KMT2C: variants seen among roughly 807,000 people sequenced by gnomAD.
The protein encoded by KMT2C is lysine methyltransferase 2C, also known as histone-lysine N-methyltransferase 2C.
KMT2C carries 88 observed loss-of-function variants against 507.9 expected under a neutral mutation model. The ratio of observed to expected loss-of-function variants is 0.17; its 90% CI spans 0.15 to 0.21. KMT2C has a LOEUF of 0.21. Ranked by LOEUF, KMT2C falls within the 10% of genes least tolerant of loss-of-function variation. KMT2C has a pLI of 1.00. For missense variants in KMT2C, 4,954 were observed against 5,957.8 expected, an observed-to-expected ratio of 0.83 and a Z score of 5.55; for synonymous variants, 2,049 against 2,080.8, an observed-to-expected ratio of 0.98 and a Z score of 0.42.
intron 4 of KMT2C, 104 bp from the exon 5 acceptor site, chr7:152,312,050 A>C (rs2096676970): frequency 1.2e-6 from 1 of 845,634 alleles, no homozygotes. Flanking sequence ...TTAATTTATC[A>C]GCCATTAACT....
chr7:152,372,300 C>T lies in KMT2C; in HGVS notation c.162-13625G>A, dbSNP rs529678739. ...CCTCCTGAGTAACTGGGATTACAGG[C>T]GCCCACCACCACACCCAGCTAATTT... On this transcript the variant is annotated intron_variant, in intron 1 of 58. Coordinates refer to ENST00000262189, the MANE Select transcript of KMT2C (RefSeq NM_170606.3). Among the ~76,000 whole-genome samples, 66 of 152,086 alleles carry T rather than the reference C, an allele frequency of 4.3e-4. 1 individual carries two copies. The highest frequency in any genetic ancestry group is 1.9e-3 in the Admixed American group (29 of 15,268).
chr7:152,287,047 G>A (rs1014669028), intron 6 of KMT2C, among the ~76,000 whole-genome samples: 9 of 152,114 alleles, frequency 5.9e-5, no homozygotes, highest in East Asian at 5.8e-4. Context: ...TCCTGCCCAC[G>A]GACAACATGA....
chr7:152,262,515 G>A (rs778278789), intron 9 of KMT2C, among the ~76,000 whole-genome samples: 2 of 152,176 alleles, frequency 1.3e-5, no homozygotes, highest in Non-Finnish European at 2.9e-5. Flanking sequence ...TGAGCTCATC[G>A]GCATTTTTTG....
chr7:152,351,351 CAT>C (rs752029322), intron 2 of KMT2C, among the ~76,000 whole-genome samples: 19 of 152,286 alleles, frequency 1.2e-4, no homozygotes, highest in Non-Finnish European at 2.5e-4. Context: ...TCACCACAAA[CAT>C]GTGAGTAATG....
In KMT2C at chr7:152,214,605, C is replaced by T. The variant is rs549239636; in HGVS notation, c.3712+5918G>A. On this transcript the variant is annotated intron_variant, in intron 23 of 58. Coordinates refer to ENST00000262189, the MANE Select transcript of KMT2C (RefSeq NM_170606.3). ...TACTGATGACAATGAGGACTTTATA[C>T]AATGGAATAGTTAGCTTTAAGAAAG... Among the ~76,000 whole-genome samples the T allele has an allele frequency of 1.6e-3, 239 of 152,270 alleles. 5 individuals carry two copies. In the South Asian group the frequency reaches 0.03, roughly 19 times the overall value.
chr7:152,201,470 A>G (rs543073666), intron 26 of KMT2C, among the ~76,000 whole-genome samples: 3 of 152,214 alleles, frequency 2.0e-5, no homozygotes, highest in Non-Finnish European at 4.4e-5. Flanking sequence ...ATACTTGCAG[A>G]AACACCTAAA....
At position 152,176,788 on chromosome 7, in the gene KMT2C, G is replaced by C. The variant is rs368995188; in HGVS notation, c.8665C>G (p.Pro2889Ala). The C allele has an allele frequency of 6.2e-7, 1 of 1,614,134 alleles. No individual in the cohort carries two copies. ...EKRTNRETAG[P>A]SANVIQASTQ... ...GATGCCTGAATGACATTTGCACTGG[G>C]GCCAGCAGTTTCTCGATTGGTTCTT... is the stretch of plus-strand genomic sequence containing the variant. Residue 2889 changes from proline (P) to alanine (A), a missense_variant, in exon 38 of 59, where the codon CCC becomes GCC. By Grantham distance (27) the Pro-to-Ala change is conservative. This residue lies in a region of KMT2C where 1,689 missense variants were observed against 1,654.3 expected (regional missense o/e 1.02). Coordinates refer to ENST00000262189, the MANE Select transcript of KMT2C (RefSeq NM_170606.3).
chr7:152,380,779 TG>T lies in KMT2C; in HGVS notation c.162-22105del, dbSNP rs536676065. Among the ~76,000 whole-genome samples the T allele has an allele frequency of 2.4e-3, 337 of 137,834 alleles. 3 individuals are homozygous for T. The highest frequency in any genetic ancestry group is 0.012 in the Middle Eastern group (3 of 258). 90.4% of individuals were successfully genotyped at this position (137,834 alleles called of 152,430 possible). A position where few individuals can be genotyped will look rare whatever the true frequency, so the allele number is the denominator to read the frequency against. On this transcript the variant is annotated intron_variant, in intron 1 of 58. Transcript: ENST00000262189. ...TAGGTAGGATTTACAGACTGGAAAA[TG>T]GGAAAAAGATGAGAGTGGAAAAAGG...
At chr7:152,137,303 T>C (rs991381748) in intron 58 of KMT2C, 4 of 173,826 alleles carry the variant, frequency 2.3e-5, no homozygotes, top group Admixed American at 5.8e-5. Context: ...GAATGGGGCA[T>C]GCAATTCTGG....
Position 152,181,152 on chromosome 7 carries a change from G to A in KMT2C, c.6708C>T (p.Ser2236=). ...GCATGAGGACTGGTCTTGTCATTGA[G>A]GACCTAGTAAAACCCTCTGAAATCC... ...RPRISEGFTR[S]SMTRPVLMPN... is the part of the protein sequence containing the mutation. The change falls in exon 36 of 59, where the codon TCC becomes TCT. Residue 2236 remains serine (S), a synonymous_variant. Transcript: ENST00000262189. The A allele has an allele frequency of 1.9e-6, 3 of 1,614,138 alleles. No homozygotes were observed. The highest frequency in any genetic ancestry group is 2.5e-6 in the Non-Finnish European group (3 of 1,180,038).
chr7:152,287,679 T>C (rs2096327464), intron 6 of KMT2C, among the ~76,000 whole-genome samples: 1 of 152,178 alleles, frequency 6.6e-6, no homozygotes, highest in Admixed American at 6.5e-5. Context: ...TGAGAATTCA[T>C]AGATGTCATA....
At chr7:152,205,071 T>G in intron 25 of KMT2C, 35 bp downstream of exon 25, 1 of 1,389,724 alleles carries the variant, frequency 7.2e-7, no homozygotes, top group Non-Finnish European at 9.8e-7. Context: ...AGGGTTACAT[T>G]AAAAAAAAAA....
intron 1 of KMT2C, among the ~76,000 whole-genome samples, chr7:152,371,522 T>C (rs2097293387): frequency 6.6e-6 from 1 of 152,078 alleles, no homozygotes; most frequent in Admixed American, 6.5e-5. Context: ...CGATAGCATC[T>C]CCTTGCCTAT....
intron 1 of KMT2C, among the ~76,000 whole-genome samples, chr7:152,362,009 A>T (rs1589450517): frequency 6.6e-6 from 1 of 152,238 alleles, no homozygotes. Context: ...CTGTTCAAAC[A>T]CAGTGGATAC....
At chr7:152,256,061 T>C (rs1381702607) in intron 9 of KMT2C, among the ~76,000 whole-genome samples, 1 of 151,886 alleles carries the variant, frequency 6.6e-6, no homozygotes, top group African/African-American at 2.4e-5. Flanking sequence ...CCCAGCTACT[T>C]GGGGGAGCTA....
In KMT2C at chr7:152,195,938, T is replaced by G. The variant is rs759264264; in HGVS notation, c.4347A>C (p.Ser1449=). 7 of 1,607,392 alleles carry G rather than the reference T, an allele frequency of 4.4e-6. No homozygotes were observed. The highest frequency in any genetic ancestry group is 6.0e-6 in the Non-Finnish European group (7 of 1,175,148). The change falls in exon 28 of 59, where the codon TCA becomes TCC. Residue 1449 remains serine, a synonymous_variant. Transcript: ENST00000262189. ...GATCAACTGATTTTGCTAGATCATC[T>G]GAAATTATTCCAAGAATGTCATCAT... ...NTDDDILGII[S]DDLAKSVDHS... is the part of the protein sequence containing the mutation.
intron 6 of KMT2C, among the ~76,000 whole-genome samples, chr7:152,292,111 C>G (rs77684285): frequency 6.6e-6 from 1 of 151,962 alleles, no homozygotes; most frequent in Non-Finnish European, 1.5e-5. Flanking sequence ...TCTGGTAATG[C>G]TGACATATAT....
At chr7:152,311,689 A>G in intron 5 of KMT2C, 109 bp downstream of exon 5, 2 of 780,732 alleles carry the variant, frequency 2.6e-6, no homozygotes, top group South Asian at 6.0e-5. Flanking sequence ...TAGTATGATT[A>G]TAATTATTTC....
intron 9 of KMT2C, among the ~76,000 whole-genome samples, chr7:152,256,102 G>A (rs2095657488): frequency 6.6e-6 from 1 of 152,052 alleles, no homozygotes; most frequent in East Asian, 1.9e-4. Flanking sequence ...CCCGCGAGGG[G>A]GAGGTTGCAA....
Sources: allele counts gnomAD v4.1 joint callset (sites outside exome capture counted in the v4.1 genomes callset), GRCh38; gene constraint gnomAD v4.1.1; regional missense constraint gnomAD v4.1.1; transcripts MANE v1.5; gene names NCBI Gene and HGNC (gene_info 2026-07-23, HGNC 2026-07-21).